ANKMY2: variants seen among roughly 807,000 people sequenced by gnomAD.
ANKMY2 encodes ankyrin repeat and MYND domain containing 2.
A neutral mutation model predicts 50.4 loss-of-function variants in ANKMY2; 36 were observed. The ratio of observed to expected loss-of-function variants is 0.71; its 90% CI spans 0.55 to 0.94. The LOEUF is 0.94. Ranked by LOEUF, ANKMY2 falls within the 40% of genes least tolerant of loss-of-function variation. The pLI, the probability that ANKMY2 is intolerant of heterozygous loss-of-function variation, is 0.00. For synonymous variants in ANKMY2, 187 were observed against 178.8 expected (o/e 1.05, Z -0.36); for missense variants, 565 against 524.0 (o/e 1.08, Z -0.76).
At chr7:16,601,544 A>G (rs544205636) in intron 9 of ANKMY2, among the ~76,000 whole-genome samples, 22 of 152,374 alleles carry the variant, frequency 1.4e-4, no homozygotes, top group Admixed American at 4.6e-4. Flanking sequence ...CATGGCAGTC[A>G]GAAAGCCTGA....
At chr7:16,634,806 C>T (rs1027593688) in intron 2 of ANKMY2, among the ~76,000 whole-genome samples, 6 of 152,088 alleles carry the variant, frequency 3.9e-5, no homozygotes, top group Non-Finnish European at 7.4e-5. Context: ...GCTAGTTCCA[C>T]CTAACAAACA....
rs1781312780 is a variant in ANKMY2 at position 16,614,703 on chromosome 7, T to C, written c.531+1041A>G. Among the ~76,000 whole-genome samples, 2 of 152,226 alleles carry C rather than the reference T, an allele frequency of 1.3e-5. 1 individual carries two copies. Among genetic ancestry groups the C allele is most frequent in the African/African-American group, 4.8e-5 (2 of 41,460 alleles). On this transcript the variant is annotated intron_variant, in intron 5 of 9. Transcript: ENST00000306999. ...ATGATGCTCAGCAGACTCCACAGAT[T>C]CTTCTTTCGTAATAAACTTCTGGGG...
At chr7:16,618,889 C>CTAGCTT (rs138815610) in intron 4 of ANKMY2, among the ~76,000 whole-genome samples, 33,086 of 152,086 alleles carry the variant, frequency 0.22, 4,205 homozygotes, top group Middle Eastern at 0.3. Flanking sequence ...AAATCTACAT[C>CTAGCTT]CAGCTTCAAT....
chr7:16,616,750 C>T (rs1216044959), intron 4 of ANKMY2, among the ~76,000 whole-genome samples: 1 of 152,250 alleles, frequency 6.6e-6, no homozygotes, highest in African/African-American at 2.4e-5. Flanking sequence ...AGCGGAGGCG[C>T]GCCTGGGGAG....
chr7:16,604,588 T>G lies in ANKMY2; in HGVS notation c.1011+133A>C, dbSNP rs1781122185. The stretch of plus-strand genomic sequence containing the variant: ...CTTTTCCAAAACTACTTTTTAAGTA[T>G]TAAATAGAATATTTTCGTTACTAGA... On this transcript the variant is annotated intron_variant, in intron 8 of 9. Transcript: ENST00000306999. The G allele has an allele frequency of 5.8e-6, 7 of 1,208,568 alleles. 1 individual carries two copies. The Admixed American group carries it at 1.5e-4, about 26-fold the overall frequency. 74.9% of individuals were successfully genotyped at this position (1,208,568 alleles called of 1,614,324 possible). A position where few individuals can be genotyped will look rare whatever the true frequency, so the allele number is the denominator to read the frequency against.
chr7:16,628,112 T>C (rs1781530280), intron 2 of ANKMY2, among the ~76,000 whole-genome samples: 1 of 152,212 alleles, frequency 6.6e-6, no homozygotes, highest in African/African-American at 2.4e-5. Context: ...GGTAGGTAAA[T>C]GGATGAGCTG....
chr7:16,630,662 C>A (rs1452043370), intron 2 of ANKMY2, among the ~76,000 whole-genome samples: 2 of 152,174 alleles, frequency 1.3e-5, no homozygotes, highest in East Asian at 3.8e-4. Context: ...TCATGCCTCC[C>A]ATAGTCTAAG....
At chr7:16,636,302 CAAAAAAAAAAAAAAAAA>C (rs376207917) in intron 2 of ANKMY2, 72 bp downstream of exon 2, 8 of 214,420 alleles carry the variant, frequency 3.7e-5, no homozygotes, top group East Asian at 2.5e-4. Context: ...CACTCCATCT[CAAAAAAAAAAAAAAAAA>C]AAAAAAAAAA....
intron 5 of ANKMY2, 74 bp downstream of exon 5, chr7:16,615,670 C>T: frequency 6.3e-7 from 1 of 1,580,936 alleles, no homozygotes; most frequent in South Asian, 1.1e-5. Flanking sequence ...CAATTATGAT[C>T]CTGTATAATA....
intron 3 of ANKMY2, among the ~76,000 whole-genome samples, chr7:16,626,228 C>A (rs1382873082): frequency 1.3e-5 from 2 of 152,112 alleles, no homozygotes; most frequent in Non-Finnish European, 2.9e-5. Flanking sequence ...AATCAGCCCG[C>A]CTTGGCCTCC....
At chr7:16,625,159 C>A in intron 3 of ANKMY2, 78 bp from the exon 4 acceptor site, 1 of 1,054,640 alleles carries the variant, frequency 9.5e-7, no homozygotes, top group Non-Finnish European at 1.4e-6. Context: ...CTCTCTATAC[C>A]CTTTATTCCC....
chr7:16,631,155 G>A (rs1781575932), intron 2 of ANKMY2, among the ~76,000 whole-genome samples: 1 of 147,448 alleles, frequency 6.8e-6, no homozygotes, highest in Non-Finnish European at 1.5e-5. Flanking sequence ...ATACATTTTA[G>A]CATCTGTTGT....
intron 1 of ANKMY2, among the ~76,000 whole-genome samples, chr7:16,645,039 G>A (rs1217976519): frequency 6.6e-6 from 1 of 152,080 alleles, no homozygotes; most frequent in Non-Finnish European, 1.5e-5. Flanking sequence ...TCTCCCTAAG[G>A]GCGCCCTCCA....
intron 5 of ANKMY2, among the ~76,000 whole-genome samples, chr7:16,613,890 C>T (rs1319451899): frequency 7.0e-6 from 1 of 143,084 alleles, no homozygotes; most frequent in African/African-American, 2.6e-5. Context: ...CACTGCACTC[C>T]AGGCTGGGCG....
At position 16,600,748 on chromosome 7, in the gene ANKMY2, C is replaced by A. The variant is rs766296798; in HGVS notation, c.*13G>T. ...AGGGTGAGGATCATCCACACTGGCA[C>A]TTGCTCTGGCTTTTACTCCTCAGAC... On this transcript the variant is annotated 3_prime_UTR_variant, in exon 10 of 10. Transcript: ENST00000306999. 31 of 1,593,604 alleles carry A rather than the reference C, an allele frequency of 1.9e-5. No individual in the cohort carries two copies. The South Asian group carries it at 3.4e-4, about 18-fold the overall frequency.
At chr7:16,644,938 TC>T (rs2128347737) in intron 1 of ANKMY2, 2 of 334,678 alleles carry the variant, frequency 6.0e-6, no homozygotes, top group South Asian at 4.4e-5. Flanking sequence ...CCTGAGGCTG[TC>T]GGGGCTTCTG....
intron 6 of ANKMY2, 139 bp downstream of exon 6, chr7:16,610,406 CTGTT>C (rs1781228666): frequency 4.6e-6 from 3 of 647,558 alleles, no homozygotes; most frequent in Non-Finnish European, 8.0e-6. Context: ...ATATTATTCT[CTGTT>C]TGTCAAAGAC....
Position 16,639,030 on chromosome 7 carries a change from GA to G in ANKMY2, c.68-2576del, listed in dbSNP as rs1216868259. On this transcript the variant is annotated intron_variant, in intron 1 of 9. Transcript: ENST00000306999. ...GGAATGAGAAAAATAATCTGAAACA[GA>G]TTGGGCTTCTAGAGGGTAAAAATAG... is the stretch of plus-strand genomic sequence containing the variant. Among the ~76,000 whole-genome samples, 9 of 152,322 alleles carry G rather than the reference GA, an allele frequency of 5.9e-5. 1 individual carries two copies. Among genetic ancestry groups the G allele is most frequent in the Admixed American group, 1.3e-4 (2 of 15,312 alleles).
chr7:16,614,767 A>C (rs1781314080), intron 5 of ANKMY2, among the ~76,000 whole-genome samples: 1 of 152,208 alleles, frequency 6.6e-6, no homozygotes, highest in African/African-American at 2.4e-5. Context: ...CCTTATGTTA[A>C]GGAAGAACCT....
Sources: allele counts gnomAD v4.1 joint callset (sites outside exome capture counted in the v4.1 genomes callset), GRCh38; gene constraint gnomAD v4.1.1; transcripts MANE v1.5; gene names NCBI Gene and HGNC (gene_info 2026-07-23, HGNC 2026-07-21).